ENTREP2: variants seen among roughly 807,000 people sequenced by gnomAD.
ENTREP2 encodes the protein protein ENTREP2.
the ENTREP2 span, among the ~76,000 whole-genome samples, chr15:29,304,069 G>A: frequency 1.3e-5 from 2 of 152,064 alleles, no homozygotes; most frequent in Admixed American, 1.3e-4. Flanking sequence ...TTTTAGTAGA[G>A]ATGGGGTTTC....
chr15:29,470,308 A>G, the ENTREP2 span, among the ~76,000 whole-genome samples: 1 of 152,184 alleles, frequency 6.6e-6, no homozygotes, highest in African/African-American at 2.4e-5. Context: ...CACTGAGGTC[A>G]CAGGTGAAGC....
the ENTREP2 span, among the ~76,000 whole-genome samples, chr15:29,191,292 A>G: frequency 1.3e-5 from 2 of 152,210 alleles, no homozygotes; most frequent in African/African-American, 4.8e-5. Context: ...TAAATAGAGC[A>G]TAAGGCTTGA....
the ENTREP2 span, among the ~76,000 whole-genome samples, chr15:29,549,016 G>A: frequency 2.6e-5 from 4 of 152,186 alleles, no homozygotes; most frequent in African/African-American, 9.7e-5. Flanking sequence ...AATCATAGCA[G>A]CTGAGCTCCA....
At chr15:29,627,972 G>C in the ENTREP2 span, among the ~76,000 whole-genome samples, 2 of 152,138 alleles carry the variant, frequency 1.3e-5, no homozygotes, top group African/African-American at 4.8e-5. Flanking sequence ...CTATATTTCT[G>C]CTTTCCATTC....
chr15:29,254,970 C>A, the ENTREP2 span, among the ~76,000 whole-genome samples: 1 of 152,086 alleles, frequency 6.6e-6, no homozygotes, highest in Admixed American at 6.5e-5. Context: ...TCATTATGAG[C>A]CAAGAACTTA....
chr15:29,181,611 T>C, the ENTREP2 span, among the ~76,000 whole-genome samples: 7 of 152,154 alleles, frequency 4.6e-5, no homozygotes, highest in Admixed American at 2.6e-4. Context: ...TAGAAATCCA[T>C]TCTACATGAA....
At chr15:29,220,036 A>C in the ENTREP2 span, among the ~76,000 whole-genome samples, 3 of 152,238 alleles carry the variant, frequency 2.0e-5, no homozygotes, top group African/African-American at 7.2e-5. Context: ...AAAATAAAAA[A>C]GAAAATTGGA....
chr15:29,491,905 T>C, the ENTREP2 span, among the ~76,000 whole-genome samples: 23 of 152,194 alleles, frequency 1.5e-4, no homozygotes, highest in African/African-American at 5.5e-4. Context: ...GTTACTCAAC[T>C]GAGGGGAAAA....
At chr15:29,196,543 C>T in the ENTREP2 span, 2 of 1,551,404 alleles carry the variant, frequency 1.3e-6, no homozygotes, top group Admixed American at 2.0e-5. Context: ...CAGACACACA[C>T]CTCCACACTG....
chr15:29,417,335 G>A, the ENTREP2 span, among the ~76,000 whole-genome samples: 4,992 of 152,252 alleles, frequency 0.033, 95 homozygotes, highest in South Asian at 0.062. Context: ...ATGAGTTCTT[G>A]TCCTTTGTAG....
At chr15:29,665,799 T>C in the ENTREP2 span, among the ~76,000 whole-genome samples, 1 of 152,058 alleles carries the variant, frequency 6.6e-6, no homozygotes, top group Non-Finnish European at 1.5e-5. Flanking sequence ...GTCTGCGTTA[T>C]GCAAATTATA....
chr15:29,376,735 T>C, the ENTREP2 span: 1 of 152,180 alleles, frequency 6.6e-6, no homozygotes, highest in Non-Finnish European at 1.5e-5. Context: ...CTCTCCTTCA[T>C]CTCGCTCTGT....
the ENTREP2 span, among the ~76,000 whole-genome samples, chr15:29,351,109 A>T: frequency 1.7e-4 from 26 of 152,206 alleles, no homozygotes; most frequent in Admixed American, 1.7e-3. Context: ...AACCTCAGAG[A>T]GTGCACTCGC....
the ENTREP2 span, among the ~76,000 whole-genome samples, chr15:29,651,792 A>AG: frequency 5.9e-5 from 9 of 152,192 alleles, no homozygotes; most frequent in Non-Finnish European, 2.9e-5. Context: ...CGAGCATGGG[A>AG]GGGGAAGCCA....
the ENTREP2 span, among the ~76,000 whole-genome samples, chr15:29,145,959 A>G: frequency 4.6e-5 from 7 of 152,238 alleles, no homozygotes; most frequent in South Asian, 2.1e-4. Context: ...TGAGTTCAGC[A>G]TGGTTTCAGG....
chr15:29,312,396 C>A, the ENTREP2 span, among the ~76,000 whole-genome samples: 1 of 151,532 alleles, frequency 6.6e-6, no homozygotes, highest in Non-Finnish European at 1.5e-5. Context: ...ATAGGCATAC[C>A]TTGTTTTATT....
chr15:29,356,870 T>C, the ENTREP2 span, among the ~76,000 whole-genome samples: 1 of 152,006 alleles, frequency 6.6e-6, no homozygotes, highest in Non-Finnish European at 1.5e-5. Context: ...TTTCATAAAA[T>C]CCAACAAGCT....
the ENTREP2 span, among the ~76,000 whole-genome samples, chr15:29,496,607 T>G: frequency 1.3e-5 from 2 of 152,092 alleles, no homozygotes; most frequent in Non-Finnish European, 2.9e-5. Flanking sequence ...CTAAATTTGT[T>G]TAGAGTTTTT....
chr15:29,533,072 A>AT, the ENTREP2 span, among the ~76,000 whole-genome samples: 2 of 151,908 alleles, frequency 1.3e-5, no homozygotes, highest in African/African-American at 4.8e-5. Flanking sequence ...ACTTTATTCA[A>AT]TTTTCTCTGA....
Sources: allele counts gnomAD v4.1 joint callset (sites outside exome capture counted in the v4.1 genomes callset), GRCh38; gene constraint gnomAD v4.1.1; transcripts MANE v1.5; gene names NCBI Gene and HGNC (gene_info 2026-07-23, HGNC 2026-07-21).